Variants in KIF13A observed in about 807,000 individuals in gnomAD.
KIF13A encodes the protein kinesin family member 13A, also known as kinesin-like protein KIF13A.
A neutral mutation model predicts 212.2 loss-of-function variants in KIF13A; 79 were observed. The observed-to-expected ratio is 0.37, with a 90% CI of 0.31 to 0.45. The LOEUF is 0.45. Among genes scored for constraint, KIF13A ranks in the 20% least tolerant of loss-of-function variants. The pLI is 1.00. For missense variants in KIF13A, 1,901 were observed against 2,209.0 expected (o/e 0.86, Z 2.79); for synonymous variants, 789 against 808.6 (o/e 0.98, Z 0.41).
At position 17,848,940 on chromosome 6, in the gene KIF13A, G is replaced by A. The variant is rs1227742415; in HGVS notation, c.830+437C>T. Among the ~76,000 whole-genome samples, 4 of 151,562 alleles carry A rather than the reference G, an allele frequency of 2.6e-5. No homozygotes were observed. In the East Asian group the frequency reaches 7.8e-4, roughly 29 times the overall value. On this transcript the variant is annotated intron_variant, in intron 9 of 38. Transcript: ENST00000259711. ...TTATACATCCTTTTTTTTCCTTTGA[G>A]ATAGTCTCACTCTGTTGCCCAAGCT...
At chr6:17,806,385 A>G (rs1762952004) in intron 18 of KIF13A, among the ~76,000 whole-genome samples, 1 of 152,200 alleles carries the variant, frequency 6.6e-6, no homozygotes, top group African/African-American at 2.4e-5. Flanking sequence ...ATAAATCTCT[A>G]TGGACACTTC....
At chr6:17,940,952 A>G (rs1300437662) in intron 2 of KIF13A, among the ~76,000 whole-genome samples, 2 of 151,486 alleles carry the variant, frequency 1.3e-5, no homozygotes, top group East Asian at 3.9e-4. Context: ...CAGCCTCCCA[A>G]GTAGCTGGGA....
chr6:17,855,996 C>A lies in KIF13A; in HGVS notation c.313+34G>T. ...CAAGTCCTGGGATTATAGGCATGATCCCCCACATCTGGTCTATAAAAGCAA... is the reference window on the plus strand; with the variant it reads ...CAAGTCCTGGGATTATAGGCATGATACCCCACATCTGGTCTATAAAAGCAA... On this transcript the variant is annotated intron_variant, in intron 5 of 38. Transcript: ENST00000259711. The surrounding 1 kb of genome is among the most constrained non-coding windows in gnomAD (Gnocchi z 4.1). 7.1e-7 allele frequency: 1 copy of A among 1,403,294 alleles called. No individual in the cohort carries two copies. Among genetic ancestry groups the A allele is most frequent in the Non-Finnish European group, 1.0e-6 (1 of 992,438 alleles). 86.9% of individuals were successfully genotyped at this position (1,403,294 alleles called of 1,614,324 possible). A position where few individuals can be genotyped will look rare whatever the true frequency, so the allele number is the denominator to read the frequency against.
intron 3 of KIF13A, among the ~76,000 whole-genome samples, chr6:17,890,337 C>T (rs1329412828): frequency 1.3e-5 from 2 of 151,924 alleles, no homozygotes; most frequent in Admixed American, 1.3e-4. Context: ...AATGTGGCTC[C>T]TCAGGAAGGA....
At position 17,987,361 on chromosome 6, in the gene KIF13A, C is replaced by A; in HGVS notation, c.55+48G>T. On this transcript the variant is annotated intron_variant, in intron 1 of 38. Coordinates refer to ENST00000259711, the MANE Select transcript of KIF13A (RefSeq NM_022113.6). The surrounding 1 kb of genome is among the most constrained non-coding windows in gnomAD (Gnocchi z 7.7). ...CGGCCCCGCAGTTTCTAAAGTTGCC[C>A]CCGCCCTCAGCCCGAGCAGAAATAA... The A allele has an allele frequency of 7.8e-7, 1 of 1,274,232 alleles. No homozygotes were observed. Among genetic ancestry groups the A allele is most frequent in the Non-Finnish European group, 1.0e-6 (1 of 971,182 alleles). The allele number at this position is 1,274,232 out of a possible 1,614,324, so 78.9% of individuals were successfully genotyped here.
At chr6:17,881,444 A>T (rs371330111) in intron 3 of KIF13A, 10 of 143,314 alleles carry the variant, frequency 7.0e-5, no homozygotes, top group African/African-American at 2.1e-4. Context: ...ATTTACAGTT[A>T]AAAAAAAAAA....
chr6:17,910,681 A>C (rs1415479177), intron 2 of KIF13A, among the ~76,000 whole-genome samples: 1 of 152,242 alleles, frequency 6.6e-6, no homozygotes, highest in Admixed American at 6.5e-5. Flanking sequence ...AGAAGCAATA[A>C]ACTTCTGAAA....
At chr6:17,806,114 G>T (rs1472344485) in intron 18 of KIF13A, among the ~76,000 whole-genome samples, 1 of 151,686 alleles carries the variant, frequency 6.6e-6, no homozygotes, top group African/African-American at 2.4e-5. Context: ...GTATTTTTTT[G>T]TATAGATGGG....
intron 3 of KIF13A, among the ~76,000 whole-genome samples, chr6:17,877,397 G>C (rs898085198): frequency 3.9e-5 from 6 of 151,960 alleles, no homozygotes; most frequent in African/African-American, 1.5e-4. Flanking sequence ...TGCATTCAAG[G>C]GCTCTTCCAA....
At chr6:17,935,680 T>C (rs1173526314) in intron 2 of KIF13A, among the ~76,000 whole-genome samples, 1 of 152,182 alleles carries the variant, frequency 6.6e-6, no homozygotes, top group African/African-American at 2.4e-5. Flanking sequence ...GAACTACCCT[T>C]GACAGTCTCA....
rs565958562 is a variant in KIF13A, at chr6:17,981,426, CT to C, written c.146+5627del. Among the ~76,000 whole-genome samples, 1,015 of 134,268 alleles carry C rather than the reference CT, an allele frequency of 7.6e-3. 1 individual carries two copies. The highest frequency in any genetic ancestry group is 0.023 in the African/African-American group (848 of 36,116). The allele number at this position is 134,268 out of a possible 152,430, so 88.1% of individuals were successfully genotyped here. A position where few individuals can be genotyped will look rare whatever the true frequency, so the allele number is the denominator to read the frequency against. ...ACTTTTAGTTTTGTTTTTCTTTTTT[CT>C]TTTTTTTTTTTTTTTTGAGACAGAG... On this transcript the variant is annotated intron_variant, in intron 2 of 38. Coordinates refer to ENST00000259711, the MANE Select transcript of KIF13A (RefSeq NM_022113.6).
intron 2 of KIF13A, among the ~76,000 whole-genome samples, chr6:17,911,305 C>T (rs1417468807): frequency 6.6e-6 from 1 of 152,238 alleles, no homozygotes; most frequent in Non-Finnish European, 1.5e-5. Context: ...CCACCACTGA[C>T]CGCAGCCCTT....
intron 3 of KIF13A, among the ~76,000 whole-genome samples, chr6:17,875,728 T>C (rs1770493515): frequency 6.6e-6 from 1 of 152,142 alleles, no homozygotes; most frequent in Admixed American, 6.5e-5. Context: ...GTGCTGAGAT[T>C]ACAGGCGTGA....
intron 11 of KIF13A, 48 bp downstream of exon 11, chr6:17,836,830 C>A (rs1252271969): frequency 1.9e-6 from 3 of 1,565,254 alleles, no homozygotes; most frequent in Admixed American, 3.4e-5. Context: ...CAGTCAAATC[C>A]CGCAAGCCAG....
In KIF13A at chr6:17,764,023, C is replaced by T; in HGVS notation, c.*87G>A. On this transcript the variant is annotated 3_prime_UTR_variant, in exon 39 of 39. Coordinates refer to ENST00000259711, the MANE Select transcript of KIF13A (RefSeq NM_022113.6). This position sits in a 1 kb window ranked among gnomAD's most constrained non-coding sequence, Gnocchi z 5.1. ...TGAGCCTGCTTCTCTGTGGGCTCAT[C>T]TTTGCTGTCACAAACAACTGGATGA... 1 of 1,498,502 alleles carries T rather than the reference C, an allele frequency of 6.7e-7. No homozygotes were observed. The highest frequency in any genetic ancestry group is 1.4e-5 in the South Asian group (1 of 72,404). 92.8% of individuals were successfully genotyped at this position (1,498,502 alleles called of 1,614,324 possible).
At chr6:17,969,984 G>C (rs1158404322) in intron 2 of KIF13A, among the ~76,000 whole-genome samples, 1 of 151,222 alleles carries the variant, frequency 6.6e-6, no homozygotes, top group East Asian at 2.0e-4. Flanking sequence ...GTGCAGTGGC[G>C]CGATCTCGGC....
chr6:17,937,741 T>C (rs1776591485), intron 2 of KIF13A, among the ~76,000 whole-genome samples: 1 of 71,216 alleles, frequency 1.4e-5, no homozygotes. Context: ...TTTCTTTCCT[T>C]TTTTGTTTTT....
intron 2 of KIF13A, among the ~76,000 whole-genome samples, chr6:17,972,091 G>A (rs369988893): frequency 6.6e-6 from 1 of 152,202 alleles, no homozygotes; most frequent in Non-Finnish European, 1.5e-5. Context: ...CCATGCTAAT[G>A]TTACCTATTT....
intron 2 of KIF13A, among the ~76,000 whole-genome samples, chr6:17,969,098 A>G (rs1438083242): frequency 2.0e-5 from 3 of 152,238 alleles, no homozygotes; most frequent in Non-Finnish European, 2.9e-5. Context: ...GGCACTTACT[A>G]TGTACAAGGC....
Sources: allele counts gnomAD v4.1 joint callset (sites outside exome capture counted in the v4.1 genomes callset), GRCh38; gene constraint gnomAD v4.1.1; non-coding constraint Gnocchi (gnomAD v3.1); transcripts MANE v1.5; gene names NCBI Gene and HGNC (gene_info 2026-07-23, HGNC 2026-07-21).